UBL3: variants seen among roughly 807,000 people sequenced by gnomAD.
UBL3 encodes ubiquitin-like protein 3.
In UBL3, 6 loss-of-function variants were observed where a neutral mutation model predicts 18.4. The observed-to-expected ratio is 0.33, with a 90% CI of 0.18 to 0.64. UBL3 has a LOEUF of 0.64. Ranked by LOEUF, UBL3 falls within the 30% of genes least tolerant of loss-of-function variation. The pLI is 0.76. For synonymous variants in UBL3, 49 were observed against 46.6 expected (o/e 1.05, Z -0.21); for missense variants, 109 against 142.9 (o/e 0.76, Z 1.21).
intron 1 of UBL3, among the ~76,000 whole-genome samples, chr13:29,820,420 C>T (rs1878402770): frequency 6.6e-6 from 1 of 152,040 alleles, no homozygotes; most frequent in African/African-American, 2.4e-5. Context: ...AGGTGATCCG[C>T]CTGCCTCGGC....
At chr13:29,807,463 T>C (rs1431078817) in intron 1 of UBL3, among the ~76,000 whole-genome samples, 1 of 152,190 alleles carries the variant, frequency 6.6e-6, no homozygotes, top group Non-Finnish European at 1.5e-5. Context: ...TCTCATTGCC[T>C]TTTATCTCTT....
At chr13:29,824,168 A>C (rs1203395104) in intron 1 of UBL3, among the ~76,000 whole-genome samples, 1 of 152,200 alleles carries the variant, frequency 6.6e-6, no homozygotes, top group Non-Finnish European at 1.5e-5. Flanking sequence ...CAATGAACAT[A>C]CATGTGCATG....
chr13:29,771,355 C>T (rs939833409), intron 3 of UBL3, among the ~76,000 whole-genome samples: 1 of 151,992 alleles, frequency 6.6e-6, no homozygotes, highest in African/African-American at 2.4e-5. Context: ...AGAAAATATA[C>T]CCCATAAGGG....
intron 1 of UBL3, among the ~76,000 whole-genome samples, chr13:29,812,044 A>G (rs1878102697): frequency 6.6e-6 from 1 of 151,958 alleles, no homozygotes; most frequent in Non-Finnish European, 1.5e-5. Flanking sequence ...TCTACTTGAA[A>G]TGCTCCCCCA....
intron 1 of UBL3, among the ~76,000 whole-genome samples, chr13:29,836,359 C>A (rs1005111230): frequency 6.6e-6 from 1 of 151,220 alleles, no homozygotes; most frequent in African/African-American, 2.4e-5. Context: ...AATAAATAAA[C>A]AAATAAATAA....
intron 1 of UBL3, among the ~76,000 whole-genome samples, chr13:29,780,494 T>C (rs910160978): frequency 6.8e-6 from 1 of 147,752 alleles, no homozygotes; most frequent in African/African-American, 2.5e-5. Context: ...TTTGATAAAA[T>C]AGAAACTGAT....
chr13:29,826,651 A>AT (rs1417722665), intron 1 of UBL3, among the ~76,000 whole-genome samples: 3 of 152,034 alleles, frequency 2.0e-5, no homozygotes, highest in African/African-American at 7.3e-5. Flanking sequence ...TGGATTATTG[A>AT]TTTTTTGAAG....
intron 1 of UBL3, among the ~76,000 whole-genome samples, 155 bp downstream of exon 1, chr13:29,849,357 A>AGG (rs1879309891): frequency 6.6e-6 from 1 of 152,210 alleles, no homozygotes; most frequent in Non-Finnish European, 1.5e-5. Context: ...ACTTCCTAAA[A>AGG]GGGGGAAACC....
intron 1 of UBL3, among the ~76,000 whole-genome samples, chr13:29,831,486 G>A (rs1044732629): frequency 1.3e-5 from 2 of 151,844 alleles, no homozygotes; most frequent in Non-Finnish European, 2.9e-5. Flanking sequence ...TATTCGGGAG[G>A]CTGAGGCAGG....
chr13:29,777,189 G>A lies in UBL3; in HGVS notation c.102C>T (p.Asp34=), dbSNP rs751545373. The change falls in exon 2 of 5, where the codon GAC becomes GAT. Residue 34 remains aspartate (D), a synonymous_variant. Coordinates refer to ENST00000380680, the MANE Select transcript of UBL3 (RefSeq NM_007106.4). ...AATTGTCATATACATGCTTTGCAAT[G>A]TCAGAAGCAGAATCGTTAGGAGAAA... ...FLFSPNDSAS[D]IAKHVYDNWP... is the part of the protein sequence containing the mutation. 8.1e-6 allele frequency: 13 copies of A among 1,608,958 alleles called. 1 individual carries two copies. In the South Asian group the frequency reaches 1.1e-4, roughly 14 times the overall value.
chr13:29,832,998 T>TA (rs1178194753), intron 1 of UBL3, among the ~76,000 whole-genome samples: 1 of 152,044 alleles, frequency 6.6e-6, no homozygotes, highest in African/African-American at 2.4e-5. Context: ...GCACAGGAGT[T>TA]AAAAGAAAGA....
intron 1 of UBL3, among the ~76,000 whole-genome samples, chr13:29,835,125 AATATAT>A (rs59643985): frequency 1.7e-3 from 40 of 23,386 alleles, no homozygotes; most frequent in East Asian, 3.3e-3. Flanking sequence ...TATATATATA[AATATAT>A]ATATATATAT....
intron 1 of UBL3, among the ~76,000 whole-genome samples, chr13:29,818,984 A>G (rs532475492): frequency 3.4e-4 from 52 of 152,306 alleles, no homozygotes; most frequent in Non-Finnish European, 5.7e-4. Flanking sequence ...GGTTGTTTTA[A>G]AAATAATCAC....
At chr13:29,830,434 C>T (rs1189870629) in intron 1 of UBL3, among the ~76,000 whole-genome samples, 2 of 152,168 alleles carry the variant, frequency 1.3e-5, no homozygotes, top group Non-Finnish European at 2.9e-5. Context: ...GTAAGGTAGA[C>T]AGTACTTTGG....
chr13:29,797,185 G>A (rs1877635195), intron 1 of UBL3, among the ~76,000 whole-genome samples: 1 of 151,962 alleles, frequency 6.6e-6, no homozygotes, highest in Non-Finnish European at 1.5e-5. Context: ...CTGTTGGCTG[G>A]TTGGTCTTTG....
At chr13:29,790,466 C>G (rs1384211025) in intron 1 of UBL3, among the ~76,000 whole-genome samples, 1 of 152,174 alleles carries the variant, frequency 6.6e-6, no homozygotes, top group African/African-American at 2.4e-5. Context: ...TCCTTAGTCT[C>G]TGTAACATTC....
At chr13:29,783,517 G>T (rs556098485) in intron 1 of UBL3, among the ~76,000 whole-genome samples, 1 of 152,262 alleles carries the variant, frequency 6.6e-6, no homozygotes, top group African/African-American at 2.4e-5. Flanking sequence ...AAGAAATCTT[G>T]AAAGCAATCA....
chr13:29,835,129 T>TAAATATATATATATATATATAA (rs1156741342), intron 1 of UBL3, among the ~76,000 whole-genome samples: 2 of 3,884 alleles, frequency 5.1e-4, no homozygotes, highest in Non-Finnish European at 9.1e-4. Context: ...TATATAAATA[T>TAAATATATATATATATATATAA]ATATATATAT....
chr13:29,841,478 C>T (rs1879097302), intron 1 of UBL3, among the ~76,000 whole-genome samples: 1 of 152,012 alleles, frequency 6.6e-6, no homozygotes, highest in Admixed American at 6.6e-5. Context: ...AAGGAAACTC[C>T]CTTTAATTTT....
Sources: gnomAD v4.1 joint callset for allele counts (sites outside exome capture counted in the v4.1 genomes callset) on GRCh38, gnomAD v4.1.1 for gene constraint, MANE v1.5 for transcripts, NCBI Gene and HGNC (gene_info 2026-07-23, HGNC 2026-07-21) for gene names.